XPA: variants seen among roughly 807,000 people sequenced by gnomAD.
XPA encodes XPA, DNA damage recognition and repair factor, also known as DNA repair protein complementing XP-A cells.
A neutral mutation model predicts 35.7 loss-of-function variants in XPA; 27 were observed. That is an observed-to-expected ratio of 0.76 (90% CI 0.56 to 1.04). The LOEUF is 1.04. Among genes scored for constraint, XPA ranks in the 50% least tolerant of loss-of-function variants. The pLI, the probability that XPA is intolerant of heterozygous loss-of-function variation, is 0.00. For missense variants in XPA, 354 were observed against 342.7 expected (o/e 1.03, Z -0.26); for synonymous variants, 133 against 118.4 (o/e 1.12, Z -0.80).
At chr9:97,691,921 A>ATG (rs1256489233) in intron 2 of XPA, among the ~76,000 whole-genome samples, 1 of 147,564 alleles carries the variant, frequency 6.8e-6, no homozygotes, top group Admixed American at 6.8e-5. Flanking sequence ...ATATATGTAA[A>ATG]TAAATAAATT....
At chr9:97,689,493 C>T (rs1373375259) in intron 3 of XPA, 41 bp downstream of exon 3, 6 of 1,266,602 alleles carry the variant, frequency 4.7e-6, no homozygotes, top group Non-Finnish European at 6.9e-6. Context: ...TAAACCTACA[C>T]ATAAACATTA....
the XPA span, among the ~76,000 whole-genome samples, chr9:97,659,107 TTG>T: frequency 5.9e-5 from 9 of 152,264 alleles, no homozygotes; most frequent in African/African-American, 1.9e-4. Context: ...ATGCACATAT[TTG>T]TGGCAGTATG....
At chr9:97,676,675 C>G (rs1472163165) in intron 5 of XPA, among the ~76,000 whole-genome samples, 1 of 152,098 alleles carries the variant, frequency 6.6e-6, no homozygotes, top group Admixed American at 6.6e-5. Flanking sequence ...TGCATTTAAT[C>G]CTCACAACCC....
chr9:97,673,574 A>AC (rs1246142203), downstream of XPA: 1 of 152,196 alleles, frequency 6.6e-6, no homozygotes, highest in African/African-American at 2.4e-5. Context: ...GAAAAATTGA[A>AC]CTAGGAATTG....
downstream of XPA, among the ~76,000 whole-genome samples, chr9:97,674,193 A>ATCTGTTGTCATCC (rs1381324524): frequency 5.3e-5 from 8 of 151,408 alleles, no homozygotes; most frequent in African/African-American, 2.0e-4. Flanking sequence ...TGTTGTCATC[A>ATCTGTTGTCATCC]TCTGTTGTCA....
At chr9:97,666,001 G>A in the XPA span, among the ~76,000 whole-genome samples, 4 of 152,180 alleles carry the variant, frequency 2.6e-5, no homozygotes, top group Non-Finnish European at 1.5e-5. Flanking sequence ...TGAGGAAGAG[G>A]AGGGGTTGGT....
At chr9:97,661,740 T>TG in the XPA span, among the ~76,000 whole-genome samples, 2 of 151,470 alleles carry the variant, frequency 1.3e-5, no homozygotes, top group South Asian at 2.1e-4. Flanking sequence ...GTGTTTTTTT[T>TG]TTTTTTTTTT....
the XPA span, among the ~76,000 whole-genome samples, chr9:97,662,399 G>T: frequency 6.6e-6 from 1 of 152,136 alleles, no homozygotes; most frequent in African/African-American, 2.4e-5. Context: ...AAAAACCTAG[G>T]TTTTTGGGAC....
the XPA span, chr9:97,664,326 TTC>T: frequency 2.2e-5 from 33 of 1,529,138 alleles, no homozygotes; most frequent in East Asian, 2.0e-4. Flanking sequence ...ACTTGAATAA[TTC>T]TCTCATTGTA....
chr9:97,674,464 T>A (rs986306868), downstream of XPA, among the ~76,000 whole-genome samples: 1 of 152,242 alleles, frequency 6.6e-6, no homozygotes, highest in African/African-American at 2.4e-5. Context: ...ATTCTATTTG[T>A]ACAGTAGGAT....
Position 97,685,323 on chromosome 9 carries a change from G to A in XPA, c.556-283C>T, listed in dbSNP as rs539651170. Among the ~76,000 whole-genome samples, 11 of 152,244 alleles carry A rather than the reference G, an allele frequency of 7.2e-5. No homozygotes were observed. The South Asian group carries it at 2.1e-3, about 29-fold the overall frequency. ...GTCACAGGAATCAAAAGTACACGTG[G>A]TCAGTGAGTTTGATCAACTGTGGTG... On this transcript the variant is annotated intron_variant, in intron 4 of 5. Coordinates refer to ENST00000375128, the MANE Select transcript of XPA (RefSeq NM_000380.4).
At chr9:97,668,886 G>A in the XPA span, 4 of 1,613,590 alleles carry the variant, frequency 2.5e-6, no homozygotes, top group Non-Finnish European at 8.5e-7. Context: ...AGGAAAGACG[G>A]GGTTCTTGAG....
At chr9:97,691,209 A>C (rs143983866) in intron 2 of XPA, among the ~76,000 whole-genome samples, 1 of 152,226 alleles carries the variant, frequency 6.6e-6, no homozygotes, top group Non-Finnish European at 1.5e-5. Context: ...CCTACCAACA[A>C]AGCAAATAGC....
the XPA span, chr9:97,655,771 G>T: frequency 6.2e-7 from 1 of 1,607,516 alleles, no homozygotes; most frequent in Admixed American, 1.7e-5. Flanking sequence ...ATTGGTAAGT[G>T]ATGGTTTGTT....
the XPA span, among the ~76,000 whole-genome samples, chr9:97,667,278 C>T: frequency 1.7e-3 from 265 of 152,128 alleles, 1 homozygote; most frequent in African/African-American, 6.2e-3. Flanking sequence ...CAGTCATTCC[C>T]AAGTTAACGG....
chr9:97,672,887 G>A (rs572498278), downstream of XPA: 1 of 152,966 alleles, frequency 6.5e-6, no homozygotes, highest in Non-Finnish European at 1.5e-5. Flanking sequence ...CCAGCACTTT[G>A]GGAGGCTGAG....
the XPA span, among the ~76,000 whole-genome samples, chr9:97,660,499 T>C: frequency 1.3e-5 from 2 of 152,190 alleles, no homozygotes; most frequent in African/African-American, 4.8e-5. Context: ...GCCATTACCT[T>C]GTTGAGACTC....
chr9:97,666,788 T>C, the XPA span: 1 of 1,605,230 alleles, frequency 6.2e-7, no homozygotes, highest in Non-Finnish European at 8.5e-7. Context: ...AATTTTGCAC[T>C]CTACAATTCG....
intron 5 of XPA, 168 bp from the exon 6 acceptor site, chr9:97,675,755 A>C: frequency 1.2e-6 from 1 of 860,148 alleles, no homozygotes; most frequent in Non-Finnish European, 1.8e-6. Flanking sequence ...CAAACTTGGC[A>C]AACTTACTTT....
Sources: allele counts gnomAD v4.1 joint callset (sites outside exome capture counted in the v4.1 genomes callset), GRCh38; gene constraint gnomAD v4.1.1; transcripts MANE v1.5; gene names NCBI Gene and HGNC (gene_info 2026-07-23, HGNC 2026-07-21).